The following KPNA7 variants were observed in gnomAD, a reference collection of about 807,000 sequenced individuals.
The protein encoded by KPNA7 is karyopherin subunit alpha 7, also known as importin subunit alpha-8.
Under a neutral mutation model 53.7 loss-of-function variants are expected in KPNA7, and 54 were observed. That is an observed-to-expected ratio of 1.01 (90% CI 0.81 to 1.26). The LOEUF is 1.26. KPNA7 is among the 50% of genes most tolerant of loss of function. The pLI is 0.00. For synonymous variants in KPNA7, 276 were observed against 259.3 expected (o/e 1.06, Z -0.62); for missense variants, 640 against 644.5 (o/e 0.99, Z 0.07).
downstream of KPNA7, among the ~76,000 whole-genome samples, chr7:99,173,375 T>G: frequency 6.6e-6 from 1 of 152,094 alleles, no homozygotes; most frequent in South Asian, 2.1e-4. Flanking sequence ...GTATTTTTAA[T>G]AGAGACGGAG....
At chr7:99,209,997 C>T (rs1791018400), upstream of KPNA7, among the ~76,000 whole-genome samples, 2 of 152,020 alleles carry the variant, frequency 1.3e-5, no homozygotes. Context: ...CAGAGCCAGA[C>T]CCTGTCTCCA....
chr7:99,173,607 A>T lies in KPNA7; in HGVS notation c.*101T>A, dbSNP rs1461263834. The T allele has an allele frequency of 1.5e-6, 1 of 667,408 alleles. No homozygotes were observed. The highest frequency in any genetic ancestry group is 2.5e-6 in the Non-Finnish European group (1 of 394,498). 41.3% of individuals were successfully genotyped at this position (667,408 alleles called of 1,614,324 possible). On this transcript the variant is annotated 3_prime_UTR_variant, in exon 11 of 11. Transcript: ENST00000327442. ...GAACATTTTATTAATGTCAAGTTTT[A>T]AAAGCTTCACATTTGGGTTACACTA...
At chr7:99,166,078 T>C in the KPNA7 span, among the ~76,000 whole-genome samples, 1 of 152,140 alleles carries the variant, frequency 6.6e-6, no homozygotes, top group Non-Finnish European at 1.5e-5. Flanking sequence ...CCTTCTGCCA[T>C]GATTGAAAAT....
At chr7:99,158,323 T>C in the KPNA7 span, among the ~76,000 whole-genome samples, 1 of 152,182 alleles carries the variant, frequency 6.6e-6, no homozygotes, top group South Asian at 2.1e-4. Flanking sequence ...TGGTATTATC[T>C]GATAATTTTC....
chr7:99,161,344 C>A, the KPNA7 span, among the ~76,000 whole-genome samples: 1 of 152,020 alleles, frequency 6.6e-6, no homozygotes, highest in Admixed American at 6.6e-5. Context: ...GCCTGTGTAG[C>A]GTAGAACTGA....
chr7:99,147,483 A>G, the KPNA7 span, among the ~76,000 whole-genome samples: 1 of 152,224 alleles, frequency 6.6e-6, no homozygotes, highest in South Asian at 2.1e-4. Flanking sequence ...TATCCATACA[A>G]CTTACTCCAT....
intron 6 of KPNA7, among the ~76,000 whole-genome samples, chr7:99,188,880 C>A (rs1789781011): frequency 6.6e-6 from 1 of 152,074 alleles, no homozygotes; most frequent in Admixed American, 6.6e-5. Flanking sequence ...TGGGGTTTCA[C>A]CATGTTGCCC....
At chr7:99,210,675 A>T (rs1277693168), upstream of KPNA7, among the ~76,000 whole-genome samples, 1 of 151,932 alleles carries the variant, frequency 6.6e-6, no homozygotes, top group East Asian at 1.9e-4. Flanking sequence ...TGCAGCCTCA[A>T]CCTCTTGAGC....
intron 1 of KPNA7, among the ~76,000 whole-genome samples, chr7:99,216,919 T>G (rs1428908582): frequency 6.6e-6 from 1 of 152,194 alleles, no homozygotes; most frequent in Non-Finnish European, 1.5e-5. Context: ...CCAGGTCTTA[T>G]TAACGGTATT....
downstream of KPNA7, among the ~76,000 whole-genome samples, chr7:99,172,708 G>T (rs984003856): frequency 7.9e-5 from 12 of 152,102 alleles, no homozygotes; most frequent in Admixed American, 7.9e-4. Flanking sequence ...CCAGAGGAAA[G>T]AAGGCCAGTA....
At chr7:99,190,653 CTT>C (rs78243243) in intron 6 of KPNA7, among the ~76,000 whole-genome samples, 9 of 120,726 alleles carry the variant, frequency 7.5e-5, no homozygotes, top group Admixed American at 8.3e-5. Flanking sequence ...GCCAGTAAAA[CTT>C]TTTTTTTTTT....
chr7:99,196,729 C>G (rs1790248324), intron 3 of KPNA7, among the ~76,000 whole-genome samples: 1 of 152,076 alleles, frequency 6.6e-6, no homozygotes. Context: ...AACCAACAGC[C>G]TCCCAACCAC....
chr7:99,178,100 G>A lies in KPNA7; in HGVS notation c.1318-34C>T, dbSNP rs751549812. 114 of 1,544,878 alleles carry A rather than the reference G, an allele frequency of 7.4e-5. 1 individual carries two copies. The Admixed American group carries it at 1.4e-3, about 19-fold the overall frequency. ...AAGTACAAGGGGACATGAGACCCCC[G>A]GCAGGAGCCTTTGGGGGATAGGGAC... On this transcript the variant is annotated intron_variant, in intron 9 of 10. Transcript: ENST00000327442.
At chr7:99,206,701 C>T (rs1375777708) in intron 2 of KPNA7, among the ~76,000 whole-genome samples, 1 of 152,090 alleles carries the variant, frequency 6.6e-6, no homozygotes, top group African/African-American at 2.4e-5. Context: ...CTCCTATCTT[C>T]AAGCGATCCT....
chr7:99,203,204 G>T lies in KPNA7; in HGVS notation c.103C>A (p.Leu35Ile). The T allele has an allele frequency of 1.3e-6, 2 of 1,551,634 alleles. No individual in the cohort carries two copies. The highest frequency in any genetic ancestry group is 4.9e-5 in the East Asian group (2 of 40,914). The change falls in exon 3 of 11, where the codon CTC becomes ATC. Residue 35 changes from leucine (L) to isoleucine (I), a missense_variant. Transcript: ENST00000327442. The part of the protein sequence containing the change: ...RQQRMAVSLE[L>I]RKAKKDEQTL... ...TGTTCATCTTTCTTGGCCTTTCGGA[G>T]CTCCAGACTGACCGCCATCCTCTGC...
At chr7:99,150,155 G>A in the KPNA7 span, among the ~76,000 whole-genome samples, 2 of 151,960 alleles carry the variant, frequency 1.3e-5, no homozygotes, top group African/African-American at 4.8e-5. Context: ...GGGTGCAGTG[G>A]TGCAATCATA....
rs374259761 is a variant in KPNA7, at chr7:99,186,479, A to C, written c.901-1317T>G. 9.2e-5 allele frequency among the ~76,000 whole-genome samples: 14 copies of C among 152,312 alleles called. No individual in the cohort carries two copies. The South Asian group carries it at 2.7e-3, about 29-fold the overall frequency. On this transcript the variant is annotated intron_variant, in intron 7 of 10. Transcript: ENST00000327442. ...AGAACCCGGGGGTAAGCAACTTCTT[A>C]GAGAATTTACTTCTCCACTTTGGGA...
chr7:99,211,656 C>T (rs539488123), upstream of KPNA7, among the ~76,000 whole-genome samples: 2 of 152,206 alleles, frequency 1.3e-5, no homozygotes, highest in South Asian at 4.1e-4. Context: ...AATCAAGCTC[C>T]AGCCACCCAC....
upstream of KPNA7, among the ~76,000 whole-genome samples, chr7:99,212,208 C>T (rs1354901570): frequency 1.4e-5 from 2 of 143,410 alleles, no homozygotes; most frequent in East Asian, 2.2e-4. Flanking sequence ...GGCTAGGAAA[C>T]ACTGGTGTCC....
Sources: gnomAD v4.1 joint callset for allele counts (sites outside exome capture counted in the v4.1 genomes callset) on GRCh38, gnomAD v4.1.1 for gene constraint, MANE v1.5 for transcripts, NCBI Gene and HGNC (gene_info 2026-07-23, HGNC 2026-07-21) for gene names.